MRPL4: variants seen among roughly 807,000 people sequenced by gnomAD.
The protein encoded by MRPL4 is large ribosomal subunit protein uL4m.
MRPL4 carries 34 observed loss-of-function variants against 34.1 expected under a neutral mutation model. The observed-to-expected ratio is 1.00, with a 90% CI of 0.76 to 1.33. The LOEUF (loss-of-function observed/expected upper bound fraction) is 1.33, where lower values mean the gene tolerates loss of function less well. Among genes scored for constraint, MRPL4 ranks in the 40% most tolerant of loss-of-function variants. The pLI is 0.00. For missense variants in MRPL4, 402 were observed against 434.6 expected (o/e 0.92, Z 0.67); for synonymous variants, 196 against 188.3 (o/e 1.04, Z -0.33).
chr19:10,252,455 C>T lies in MRPL4; in HGVS notation c.116C>T (p.Ala39Val). 1 of 1,613,954 alleles carries T rather than the reference C, an allele frequency of 6.2e-7. No individual in the cohort carries two copies. The highest frequency in any genetic ancestry group is 8.5e-7 in the Non-Finnish European group (1 of 1,179,948). Residue 39 changes from alanine to valine, a missense_variant, in exon 2 of 9, where the codon GCG becomes GTG. Ala to Val is a moderately conservative substitution (Grantham distance 64). Transcript: ENST00000253099. ...GCGACCGAGAACCCGGAGCAGGTGG[C>T]GAGCGAGGGTAAGGCAACCGGGGTG... ...ARATENPEQV[A>V]SEGLPEPVLR... is the part of the protein sequence containing the mutation.
intron 8 of MRPL4, chr19:10,259,170 A>T: frequency 8.0e-7 from 1 of 1,242,314 alleles, no homozygotes; most frequent in Non-Finnish European, 1.0e-6. Flanking sequence ...TTCCTTCCAC[A>T]GCCACAAGAT....
At chr19:10,258,549 A>G (rs756048294) in intron 7 of MRPL4, 27 bp downstream of exon 7, 2 of 1,614,046 alleles carry the variant, frequency 1.2e-6, no homozygotes, top group South Asian at 2.2e-5. Flanking sequence ...GAGCAGGGGC[A>G]GGGGGCCCTG....
chr19:10,252,002 G>A, upstream of MRPL4: 1 of 526,454 alleles, frequency 1.9e-6, no homozygotes, highest in Non-Finnish European at 3.3e-6. Flanking sequence ...GGGTCTTCTT[G>A]CTGTGAGGTC....
chr19:10,259,273 G>A, intron 8 of MRPL4: 1 of 1,353,222 alleles, frequency 7.4e-7, no homozygotes, highest in African/African-American at 1.5e-5. Context: ...AGTCATCAGG[G>A]TGGCACGTCA....
intron 4 of MRPL4, 96 bp downstream of exon 4, chr19:10,254,736 C>A: frequency 7.5e-7 from 1 of 1,329,766 alleles, no homozygotes; most frequent in Non-Finnish European, 1.1e-6. Flanking sequence ...TTTCTCTGGA[C>A]TGCTCGGCTG....
intron 5 of MRPL4, 49 bp from the exon 6 acceptor site, chr19:10,258,173 C>T: frequency 7.3e-7 from 1 of 1,372,044 alleles, no homozygotes; most frequent in Non-Finnish European, 1.0e-6. Flanking sequence ...TTGCTGACCT[C>T]CAGGCTCTGC....
intron 8 of MRPL4, 193 bp from the exon 9 acceptor site, chr19:10,259,424 A>T (rs1399233688): frequency 2.1e-6 from 3 of 1,417,938 alleles, no homozygotes; most frequent in South Asian, 1.5e-5. Flanking sequence ...AGCTGGGAGC[A>T]GCTCCTTGGC....
rs368204298 is a variant in MRPL4, at chr19:10,252,250, G to T, written c.-4G>T. 2 of 1,602,190 alleles carry T rather than the reference G, an allele frequency of 1.2e-6. No homozygotes were observed. Among genetic ancestry groups the T allele is most frequent in the African/African-American group, 1.3e-5 (1 of 74,172 alleles). On this transcript the variant is annotated 5_prime_UTR_variant, in exon 1 of 9. Coordinates refer to ENST00000253099, the MANE Select transcript of MRPL4 (RefSeq NM_015956.3). ...CCTCCCGCGGCGTGGGAGGCTGCGC[G>T]GCGATGCTGCAGTTCGTCCGGGCCG...
rs748152826 is a variant in MRPL4 at position 10,256,841 on chromosome 19, G to A, written c.445+16G>A. 6.5e-6 allele frequency: 9 copies of A among 1,377,976 alleles called. 1 individual carries two copies. The Admixed American group carries it at 2.4e-4, about 37-fold the overall frequency. 85.4% of individuals were successfully genotyped at this position (1,377,976 alleles called of 1,614,324 possible). ...TGGCGAGGAGGTAACAGGACAGGGT[G>A]GAGGGGGCGGGGAGGGGTGGGGGGG... On this transcript the variant is annotated intron_variant, in intron 5 of 8. Coordinates refer to ENST00000253099, the MANE Select transcript of MRPL4 (RefSeq NM_015956.3).
chr19:10,254,781 G>T, intron 4 of MRPL4, 141 bp downstream of exon 4: 1 of 734,484 alleles, frequency 1.4e-6, no homozygotes, highest in South Asian at 2.3e-5. Flanking sequence ...TTCACCGATG[G>T]GTCCATTTTT....
At chr19:10,252,792 G>C in intron 3 of MRPL4, 91 bp downstream of exon 3, 1 of 1,489,304 alleles carries the variant, frequency 6.7e-7, no homozygotes, top group Non-Finnish European at 9.0e-7. Flanking sequence ...GTACCCTTGG[G>C]AAAGTGCTGT....
chr19:10,252,064 T>C, upstream of MRPL4: 1 of 627,206 alleles, frequency 1.6e-6, no homozygotes, highest in Non-Finnish European at 2.6e-6. Context: ...AAATTGGGTC[T>C]GGGGGTTAGT....
chr19:10,254,400 G>A (rs1358247592), intron 3 of MRPL4, among the ~76,000 whole-genome samples, 189 bp from the exon 4 acceptor site: 11 of 152,228 alleles, frequency 7.2e-5, no homozygotes. Flanking sequence ...TCCAGGAGAA[G>A]AGTGTTTCAG....
chr19:10,253,967 G>A (rs960617275), intron 3 of MRPL4, among the ~76,000 whole-genome samples: 1 of 152,134 alleles, frequency 6.6e-6, no homozygotes, highest in Non-Finnish European at 1.5e-5. Context: ...GTGGCAATAA[G>A]TGAAGTGTAA....
intron 8 of MRPL4, 126 bp downstream of exon 8, chr19:10,258,811 C>G (rs917687571): frequency 2.5e-6 from 4 of 1,599,936 alleles, no homozygotes; most frequent in Admixed American, 1.7e-5. Context: ...CGGACCCAAC[C>G]TTCAGCTTGC....
chr19:10,257,891 G>A (rs2039866561), intron 5 of MRPL4, among the ~76,000 whole-genome samples: 1 of 151,868 alleles, frequency 6.6e-6, no homozygotes, highest in Admixed American at 6.6e-5. Context: ...CTGTTGCCCA[G>A]GCTGTAGTGC....
intron 4 of MRPL4, chr19:10,255,475 C>G (rs1232716402): frequency 6.5e-6 from 1 of 152,710 alleles, no homozygotes; most frequent in African/African-American, 2.4e-5. Context: ...ACTGTAGAAG[C>G]TAACCAGATC....
intron 5 of MRPL4, among the ~76,000 whole-genome samples, chr19:10,257,413 G>A (rs1378069250): frequency 6.6e-6 from 1 of 152,096 alleles, no homozygotes. Flanking sequence ...ACCTTTCAGG[G>A]TTCTGGGCCA....
At chr19:10,254,345 T>G (rs1392744986) in intron 3 of MRPL4, among the ~76,000 whole-genome samples, 1 of 152,146 alleles carries the variant, frequency 6.6e-6, no homozygotes, top group African/African-American at 2.4e-5. Flanking sequence ...GAAGGTACCT[T>G]TCAGCAGTTA....
Sources: gnomAD v4.1 joint callset for allele counts (sites outside exome capture counted in the v4.1 genomes callset) on GRCh38, gnomAD v4.1.1 for gene constraint, MANE v1.5 for transcripts, NCBI Gene and HGNC (gene_info 2026-07-23, HGNC 2026-07-21) for gene names.